ADARB2: variants seen among roughly 807,000 people sequenced by gnomAD.
ADARB2 encodes the protein adenosine deaminase RNA specific B2 (inactive).
A neutral mutation model predicts 62.2 loss-of-function variants in ADARB2; 25 were observed. The observed-to-expected ratio is 0.40, with a 90% confidence interval of 0.29 to 0.56. ADARB2 has a LOEUF of 0.56. Among genes scored for constraint, ADARB2 ranks in the 20% least tolerant of loss-of-function variants. The pLI is 0.43. For missense variants in ADARB2, 1,071 were observed against 1,077.4 expected (o/e 0.99, Z 0.08); for synonymous variants, 572 against 500.8 (o/e 1.14, Z -1.90).
intron 4 of ADARB2, among the ~76,000 whole-genome samples, chr10:1,266,141 A>G (rs1271603310): frequency 5.3e-5 from 8 of 152,174 alleles, no homozygotes; most frequent in Non-Finnish European, 1.2e-4. Flanking sequence ...CTCTCCCGGA[A>G]GACACGGTCC....
intron 1 of ADARB2, among the ~76,000 whole-genome samples, chr10:1,534,348 G>C (rs1309827822): frequency 1.3e-5 from 2 of 152,132 alleles, no homozygotes; most frequent in Non-Finnish European, 2.9e-5. Flanking sequence ...GTGTTGGCCA[G>C]GCTTGTCTTG....
chr10:1,395,484 G>A (rs537159460), intron 1 of ADARB2, among the ~76,000 whole-genome samples: 4 of 152,150 alleles, frequency 2.6e-5, no homozygotes, highest in African/African-American at 9.7e-5. Context: ...CCTGATGACC[G>A]CAGCCTCATA....
intron 6 of ADARB2, among the ~76,000 whole-genome samples, chr10:1,217,389 C>A (rs1235127476): frequency 6.6e-6 from 1 of 152,222 alleles, no homozygotes; most frequent in East Asian, 1.9e-4. Flanking sequence ...CACCAACACC[C>A]GCCTCTGTTG....
Position 1,323,250 on chromosome 10 carries a change from TAAA to T in ADARB2, c.1077+39775_1077+39777del, listed in dbSNP as rs201803705. Among the ~76,000 whole-genome samples the T allele has an allele frequency of 7.5e-3, 984 of 130,454 alleles. 7 individuals carry two copies. The highest frequency in any genetic ancestry group is 0.021 in the African/African-American group (812 of 38,126). The allele number at this position is 130,454 out of a possible 152,430, so 85.6% of individuals were successfully genotyped here. A position where few individuals can be genotyped will look rare whatever the true frequency, so the allele number is the denominator to read the frequency against. ...GATTCTATGGGATACTTTGAAATTG[TAAA>T]AAAAAAAAAAAAAAACACTGTTAGG... On this transcript the variant is annotated intron_variant, in intron 3 of 9. Coordinates refer to ENST00000381312, the MANE Select transcript of ADARB2 (RefSeq NM_018702.4).
chr10:1,481,605 G>A (rs1235202083), intron 1 of ADARB2, among the ~76,000 whole-genome samples: 2 of 139,520 alleles, frequency 1.4e-5, no homozygotes, highest in African/African-American at 5.2e-5. Flanking sequence ...GGGCACAGTG[G>A]CTCACGCATC....
intron 1 of ADARB2, among the ~76,000 whole-genome samples, chr10:1,638,642 G>A (rs1833942660): frequency 6.6e-6 from 1 of 152,140 alleles, no homozygotes; most frequent in Admixed American, 6.5e-5. Context: ...AAGCCGATGA[G>A]GCAGATAATT....
chr10:1,572,926 T>C (rs1228243629), intron 1 of ADARB2, among the ~76,000 whole-genome samples: 1 of 152,226 alleles, frequency 6.6e-6, no homozygotes, highest in Non-Finnish European at 1.5e-5. Context: ...TGCAGCACTG[T>C]AGGCAGGTCT....
intron 4 of ADARB2, among the ~76,000 whole-genome samples, chr10:1,269,360 G>A (rs1356559442): frequency 1.3e-5 from 2 of 152,162 alleles, no homozygotes; most frequent in African/African-American, 2.4e-5. Context: ...TAGGCATTTG[G>A]TCTCTTGTTC....
chr10:1,478,817 C>T (rs1290039603), intron 1 of ADARB2, among the ~76,000 whole-genome samples: 3 of 151,432 alleles, frequency 2.0e-5, no homozygotes, highest in African/African-American at 4.9e-5. Context: ...TAAGGACCTT[C>T]GGACGGGAGA....
At chr10:1,216,830 G>C (rs1285722138) in intron 7 of ADARB2, 121 bp downstream of exon 7, 1 of 1,304,544 alleles carries the variant, frequency 7.7e-7, no homozygotes, top group Non-Finnish European at 1.0e-6. Flanking sequence ...TCAGGCACAG[G>C]GCCCTGACCG....
intron 4 of ADARB2, among the ~76,000 whole-genome samples, chr10:1,266,410 C>T (rs1185970053): frequency 2.7e-5 from 4 of 150,218 alleles, no homozygotes; most frequent in Non-Finnish European, 5.9e-5. Context: ...AGCATTTGTT[C>T]AGCATGAAAG....
chr10:1,682,070 G>GATATTTAAA (rs1834544097), intron 1 of ADARB2, among the ~76,000 whole-genome samples: 1 of 152,168 alleles, frequency 6.6e-6, no homozygotes, highest in African/African-American at 2.4e-5. Context: ...GGCACAAAGA[G>GATATTTAAA]ATATTTAAAA....
At chr10:1,515,792 G>T (rs1338200020) in intron 1 of ADARB2, among the ~76,000 whole-genome samples, 1 of 152,182 alleles carries the variant, frequency 6.6e-6, no homozygotes, top group African/African-American at 2.4e-5. Flanking sequence ...CTGATTGCCC[G>T]GCTGGCACCT....
rs114231708 is a variant in ADARB2 at position 1,343,868 on chromosome 10, C to T, written c.1077+19160G>A. On this transcript the variant is annotated intron_variant, in intron 3 of 9. Transcript: ENST00000381312. The stretch of plus-strand genomic sequence containing the variant: ...GGGGAGCAACAGATACTGGGAACTA[C>T]TTGAGGGTGAAGGGTGGGAGGAGGG... Among the ~76,000 whole-genome samples, 794 of 152,280 alleles carry T rather than the reference C, an allele frequency of 5.2e-3. 7 individuals carry two copies. The highest frequency in any genetic ancestry group is 0.018 in the African/African-American group (731 of 41,550).
chr10:1,377,309 T>C (rs1174364567), intron 2 of ADARB2, among the ~76,000 whole-genome samples: 1 of 145,272 alleles, frequency 6.9e-6, no homozygotes, highest in Non-Finnish European at 1.5e-5. Context: ...CTGGGGTGTG[T>C]GTGCACACAT....
intron 1 of ADARB2, among the ~76,000 whole-genome samples, chr10:1,578,617 A>G (rs1392579231): frequency 6.6e-6 from 1 of 151,850 alleles, no homozygotes. Context: ...TCCTTGGCTG[A>G]ACCACTGTTC....
At chr10:1,577,964 C>A (rs1055254693) in intron 1 of ADARB2, among the ~76,000 whole-genome samples, 3 of 152,196 alleles carry the variant, frequency 2.0e-5, no homozygotes, top group African/African-American at 7.2e-5. Flanking sequence ...TGGCTGCAAG[C>A]CATGAAGAGA....
At chr10:1,631,419 C>T (rs556217522) in intron 1 of ADARB2, among the ~76,000 whole-genome samples, 9 of 152,140 alleles carry the variant, frequency 5.9e-5, no homozygotes, top group Admixed American at 2.6e-4. Context: ...TGGGCAGGCT[C>T]GGGCTCAGGG....
intron 1 of ADARB2, among the ~76,000 whole-genome samples, chr10:1,481,814 GCCACTGCAC>G (rs1299007345): frequency 6.8e-6 from 1 of 147,060 alleles, no homozygotes; most frequent in Non-Finnish European, 1.5e-5. Flanking sequence ...CTGAGATTGT[GCCACTGCAC>G]TCCAGCCTGG....
Sources: gnomAD v4.1 joint callset for allele counts (sites outside exome capture counted in the v4.1 genomes callset) on GRCh38, gnomAD v4.1.1 for gene constraint, MANE v1.5 for transcripts, NCBI Gene and HGNC (gene_info 2026-07-23, HGNC 2026-07-21) for gene names.